IL18RAP: variants seen among roughly 807,000 people sequenced by gnomAD.
IL18RAP encodes the protein interleukin 18 receptor accessory protein.
In IL18RAP, 37 loss-of-function variants were observed where a neutral mutation model predicts 58.1. The ratio of observed to expected loss-of-function variants is 0.64; its 90% CI spans 0.49 to 0.84. The LOEUF is 0.84. Ranked by LOEUF, IL18RAP falls within the 40% of genes least tolerant of loss-of-function variation. The pLI is 0.00. For missense variants in IL18RAP, 667 were observed against 704.8 expected (o/e 0.95, Z 0.61); for synonymous variants, 268 against 257.5 (o/e 1.04, Z -0.39).
Position 102,443,322 on chromosome 2 carries a change from A to T in IL18RAP, c.919A>T (p.Ser307Cys). ...EWEVSVPEAK[S>C]IKSTLKDEII... is the part of the protein sequence containing the mutation. ...GGAAGTCTCAGTACCTGAGGCGAAA[A>T]GGTAAGAAAAAAACTCACGGATTCT... Residue 307 changes from serine to cysteine, a missense_variant and splice_region_variant, in exon 6 of 10, where the codon AGT becomes TGT. Ser to Cys is a moderately radical substitution (Grantham distance 112). Coordinates refer to ENST00000687160, the MANE Select transcript of IL18RAP (RefSeq NM_001393487.1). The T allele has an allele frequency of 6.2e-7, 1 of 1,611,524 alleles. No homozygotes were observed. The highest frequency in any genetic ancestry group is 8.5e-7 in the Non-Finnish European group (1 of 1,179,568).
In IL18RAP at chr2:102,445,332, A is replaced by G; in HGVS notation, c.1064A>G (p.Lys355Arg). The change falls in exon 7 of 10, where the codon AAG becomes AGG. Residue 355 changes from lysine (K) to arginine (R), a missense_variant. Lys to Arg is a conservative substitution (Grantham distance 26, BLOSUM62 2). Coordinates refer to ENST00000687160, the MANE Select transcript of IL18RAP (RefSeq NM_001393487.1). ...ACCCAGTCCGTCCAACTGAAAGAAAAGAGAGGAGGTAAGCCCAGAAGGTTG... is the reference window on the plus strand; with the variant it reads ...ACCCAGTCCGTCCAACTGAAAGAAAGGAGAGGAGGTAAGCCCAGAAGGTTG... ...NTTQSVQLKE[K>R]RGVVLLYILL... is the part of the protein sequence containing the mutation. The G allele has an allele frequency of 3.7e-6, 6 of 1,614,196 alleles. No individual in the cohort carries two copies. In the South Asian group the frequency reaches 5.5e-5, roughly 15 times the overall value.
intron 3 of IL18RAP, chr2:102,434,552 G>A (rs1043251830): frequency 2.0e-5 from 3 of 152,100 alleles, no homozygotes; most frequent in Admixed American, 6.5e-5. Context: ...CTAAAACTAC[G>A]GGCGAGGCTA....
Position 102,452,183 on chromosome 2 carries a change from A to T in IL18RAP, c.*2A>T, listed in dbSNP as rs1226394033. 11 of 1,596,092 alleles carry T rather than the reference A, an allele frequency of 6.9e-6. No homozygotes were observed. The highest frequency in any genetic ancestry group is 1.3e-5 in the African/African-American group (1 of 74,096). On this transcript the variant is annotated 3_prime_UTR_variant, in exon 10 of 10. Coordinates refer to ENST00000687160, the MANE Select transcript of IL18RAP (RefSeq NM_001393487.1). ...AGCTCCCAGCCTAAGGAATGGTGAA[A>T]TGAGCCCTGGAGCCCCCTCCAGTCC... is the stretch of plus-strand genomic sequence containing the variant.
Position 102,452,076 on chromosome 2 carries a change from G to C in IL18RAP, c.1695G>C (p.Gln565His). Reference protein sequence around the residue: ...MRYHMPVKNSQGFTWNQLRIT... With the variant: ...MRYHMPVKNSHGFTWNQLRIT... ...ACCACATGCCTGTGAAAAACTCTCA[G>C]GGATTCACGTGGAACCAGCTCAGAA... The change falls in exon 10 of 10, where the codon CAG becomes CAC. Residue 565 changes from glutamine to histidine, a missense_variant. By Grantham distance (24) the Gln-to-His change is conservative. Coordinates refer to ENST00000687160, the MANE Select transcript of IL18RAP (RefSeq NM_001393487.1). 6.2e-7 allele frequency: 1 copy of C among 1,614,094 alleles called. No individual in the cohort carries two copies. Among genetic ancestry groups the C allele is most frequent in the Non-Finnish European group, 8.5e-7 (1 of 1,180,032 alleles).
Position 102,437,365 on chromosome 2 carries a change from A to G in IL18RAP, c.730+3A>G. The G allele has an allele frequency of 1.2e-6, 2 of 1,604,930 alleles. No homozygotes were observed. The highest frequency in any genetic ancestry group is 1.7e-6 in the Non-Finnish European group (2 of 1,177,290). On this transcript the variant is annotated splice_donor_region_variant and intron_variant, in intron 4 of 9. Transcript: ENST00000687160. ...TGTTGTTCAAGTGAGAACCATTGGTAAGTGAGATTTTTATCTCAAGATTTG... is the reference window on the plus strand; with the variant it reads ...TGTTGTTCAAGTGAGAACCATTGGTGAGTGAGATTTTTATCTCAAGATTTG...
In IL18RAP at chr2:102,437,704, C is replaced by T. The variant is rs1682843997; in HGVS notation, c.730+342C>T. Among the ~76,000 whole-genome samples the T allele has an allele frequency of 2.0e-5, 3 of 152,282 alleles. No individual in the cohort carries two copies. In the South Asian group the frequency reaches 6.2e-4, roughly 32 times the overall value. ...AACTATGTTACCATTTTCCCACATG[C>T]TTCAAATCATAATTTTTTTTCTTTA... On this transcript the variant is annotated intron_variant, in intron 4 of 9. Coordinates refer to ENST00000687160, the MANE Select transcript of IL18RAP (RefSeq NM_001393487.1).
chr2:102,438,786 AC>A (rs1682913553), intron 4 of IL18RAP: 3 of 152,258 alleles, frequency 2.0e-5, no homozygotes, highest in Non-Finnish European at 2.9e-5. Flanking sequence ...AGCTAAGGCT[AC>A]AAGAATGAGT....
intron 3 of IL18RAP, among the ~76,000 whole-genome samples, chr2:102,429,359 T>A (rs188359356): frequency 2.4e-4 from 37 of 152,138 alleles, no homozygotes; most frequent in African/African-American, 8.9e-4. Flanking sequence ...TATTGGCATA[T>A]AATTGTTCGT....
At chr2:102,445,051 A>T (rs539729328) in intron 6 of IL18RAP, 138 bp from the exon 7 acceptor site, 1 of 644,538 alleles carries the variant, frequency 1.6e-6, no homozygotes, top group Non-Finnish European at 2.6e-6. Context: ...ACCATCTTAC[A>T]TTCTCGTGGT....
At chr2:102,433,625 A>C (rs1179401007) in intron 3 of IL18RAP, among the ~76,000 whole-genome samples, 1 of 152,078 alleles carries the variant, frequency 6.6e-6, no homozygotes, top group East Asian at 1.9e-4. Context: ...GGCTCACTGC[A>C]ACCTCCACCT....
Position 102,424,227 on chromosome 2 carries a change from C to T in IL18RAP, c.396-4C>T, listed in dbSNP as rs760140634. On this transcript the variant is annotated splice_polypyrimidine_tract_variant and splice_region_variant and intron_variant, in intron 2 of 9. Coordinates refer to ENST00000687160, the MANE Select transcript of IL18RAP (RefSeq NM_001393487.1). Reference sequence around the variant, plus strand: ...ATGTTCACAGGATCTTGTTAATTTCCTAGGAGCCCCTATGATGTAGCCTGT... The same window carrying T: ...ATGTTCACAGGATCTTGTTAATTTCTTAGGAGCCCCTATGATGTAGCCTGT... The T allele has an allele frequency of 4.3e-6, 7 of 1,613,166 alleles. No individual in the cohort carries two copies. The highest frequency in any genetic ancestry group is 5.9e-6 in the Non-Finnish European group (7 of 1,179,570).
At chr2:102,445,076 A>C (rs1045464707) in intron 6 of IL18RAP, 113 bp from the exon 7 acceptor site, 1 of 795,818 alleles carries the variant, frequency 1.3e-6, no homozygotes, top group Non-Finnish European at 2.0e-6. Context: ...TATACTATTG[A>C]TCTCACAGTT....
rs1458410576 is a variant in IL18RAP, at chr2:102,424,555, T to C, written c.579+141T>C. The C allele has an allele frequency of 5.9e-6, 4 of 681,326 alleles. No homozygotes were observed. The African/African-American group carries it at 7.3e-5, about 12-fold the overall frequency. The allele number at this position is 681,326 out of a possible 1,614,324, so 42.2% of individuals were successfully genotyped here. ...TGGCCCTGTGCCTCTGCAGGAGATC[T>C]GACTTTCTAAAATAATCATGTTCCC... On this transcript the variant is annotated intron_variant, in intron 3 of 9. Transcript: ENST00000687160.
chr2:102,430,656 T>C (rs1682284283), intron 3 of IL18RAP, among the ~76,000 whole-genome samples: 1 of 152,142 alleles, frequency 6.6e-6, no homozygotes, highest in South Asian at 2.1e-4. Flanking sequence ...TTCCTTTGTG[T>C]CTTGATGGCT....
At chr2:102,421,918 T>C (rs538760341), upstream of IL18RAP, among the ~76,000 whole-genome samples, 4 of 152,256 alleles carry the variant, frequency 2.6e-5, no homozygotes, top group African/African-American at 7.2e-5. Flanking sequence ...GAGAAAGCAG[T>C]CCATGCACCC....
intron 3 of IL18RAP, among the ~76,000 whole-genome samples, chr2:102,426,191 C>T (rs1380611702): frequency 6.6e-6 from 1 of 152,056 alleles, no homozygotes; most frequent in Non-Finnish European, 1.5e-5. Flanking sequence ...CATGCTAACC[C>T]CCAGGTTCTC....
At chr2:102,444,045 G>A (rs763447073) in intron 6 of IL18RAP, among the ~76,000 whole-genome samples, 10 of 152,218 alleles carry the variant, frequency 6.6e-5, no homozygotes, top group Non-Finnish European at 1.3e-4. Context: ...CCAATCAGAT[G>A]TGTCTCCAAA....
chr2:102,424,162 A>G, intron 2 of IL18RAP, 27 bp downstream of exon 2: 1 of 1,606,550 alleles, frequency 6.2e-7, no homozygotes, highest in African/African-American at 1.3e-5. Flanking sequence ...TTTCTATCTG[A>G]AAACATTTCC....
intron 8 of IL18RAP, among the ~76,000 whole-genome samples, chr2:102,448,056 C>T (rs989019507): frequency 1.3e-4 from 20 of 152,128 alleles, no homozygotes; most frequent in Admixed American, 2.6e-4. Flanking sequence ...TAGAATGGTG[C>T]CCAGTACACG....
Sources: gnomAD v4.1 joint callset for allele counts (sites outside exome capture counted in the v4.1 genomes callset) on GRCh38, gnomAD v4.1.1 for gene constraint, MANE v1.5 for transcripts, NCBI Gene and HGNC (gene_info 2026-07-23, HGNC 2026-07-21) for gene names.